FAM124A: variants seen among roughly 807,000 people sequenced by gnomAD.
FAM124A encodes the protein family with sequence similarity 124 member A.
In FAM124A, 23 loss-of-function variants were observed where a neutral mutation model predicts 24.5. The observed-to-expected ratio is 0.94, with a 90% CI of 0.68 to 1.33. The LOEUF (loss-of-function observed/expected upper bound fraction) is 1.33. Among genes scored for constraint, FAM124A ranks in the 40% most tolerant of loss-of-function variants. The probability of loss-of-function intolerance (pLI) is 0.00; values close to 1 mark genes in which losing one functional copy is unlikely to be tolerated. For synonymous variants in FAM124A, 287 were observed against 314.7 expected, an observed-to-expected ratio of 0.91 and a Z score of 0.93; for missense variants, 623 against 722.8, an observed-to-expected ratio of 0.86 and a Z score of 1.58.
In FAM124A at chr13:51,281,161, G is replaced by A. The variant is rs139792774; in HGVS notation, c.1546G>A (p.Asp516Asn). 195 of 1,613,626 alleles carry A rather than the reference G, an allele frequency of 1.2e-4. No homozygotes were observed. Among genetic ancestry groups the A allele is most frequent in the Non-Finnish European group, 1.5e-4 (178 of 1,179,940 alleles). Reference sequence around the variant, plus strand: ...AGACTCCTCCCCACAGCTCCCATGCGATACCCCCAAAGTCAAGCAGACTGA... The same window carrying A: ...AGACTCCTCCCCACAGCTCCCATGCAATACCCCCAAAGTCAAGCAGACTGA... ...LTDSSPQLPC[D>N]TPKVKQTDGD... is the part of the protein sequence containing the mutation. The change falls in exon 4 of 4, where the codon GAT becomes AAT. Residue 516 changes from aspartate (D) to asparagine (N), a missense_variant. Coordinates refer to ENST00000322475, the MANE Select transcript of FAM124A (RefSeq NM_001242312.2).
Position 51,272,161 on chromosome 13 carries a change from G to A in FAM124A, c.835-8289G>A, listed in dbSNP as rs994356218. On this transcript the variant is annotated intron_variant, in intron 3 of 3. Coordinates refer to ENST00000322475, the MANE Select transcript of FAM124A (RefSeq NM_001242312.2). This position sits in a 1 kb window ranked among gnomAD's most constrained non-coding sequence, Gnocchi z 4.2. ...CCACTTCCCTCTTCAAGGCAGGCTG[G>A]GTGGCCCAGTTCAGCAAAACCAGAA... Among the ~76,000 whole-genome samples, 2 of 152,106 alleles carry A rather than the reference G, an allele frequency of 1.3e-5. No homozygotes were observed. The highest frequency in any genetic ancestry group is 1.3e-4 in the Admixed American group (2 of 15,270).
chr13:51,256,044 G>C (rs1293044535), intron 3 of FAM124A, among the ~76,000 whole-genome samples: 3 of 152,188 alleles, frequency 2.0e-5, no homozygotes, highest in African/African-American at 7.2e-5. Context: ...CTTTCTCAGG[G>C]AGCCCCAAGC....
At chr13:51,265,492 A>T (rs917156183) in intron 3 of FAM124A, among the ~76,000 whole-genome samples, 1 of 151,408 alleles carries the variant, frequency 6.6e-6, no homozygotes, top group Non-Finnish European at 1.5e-5. Context: ...TCCACCTTAC[A>T]CCCAACCCTA....
intron 3 of FAM124A, 87 bp from the exon 4 acceptor site, chr13:51,280,363 G>A (rs994417623): frequency 1.8e-5 from 22 of 1,193,692 alleles, no homozygotes; most frequent in Non-Finnish European, 2.6e-5. Flanking sequence ...GACATTGCCA[G>A]GAGTTTCCAA....
chr13:51,245,210 TG>T (rs1954544158), intron 2 of FAM124A: 2 of 471,650 alleles, frequency 4.2e-6, no homozygotes, highest in African/African-American at 4.0e-5. Flanking sequence ...GGACCAGGTG[TG>T]CCATTTGCAT....
At chr13:51,270,360 G>A (rs1191628659) in intron 3 of FAM124A, among the ~76,000 whole-genome samples, 1 of 152,144 alleles carries the variant, frequency 6.6e-6, no homozygotes, top group East Asian at 1.9e-4. Context: ...AAGTTGTCCT[G>A]TCTTTAGGTC....
rs1954623762 is a variant in FAM124A at position 51,251,679 on chromosome 13, G to T, written c.312G>T (p.Val104=). Residue 104 remains valine (V), a synonymous_variant, in exon 3 of 4, where the codon GTG becomes GTT. Transcript: ENST00000322475. This position sits in a 1 kb window ranked among gnomAD's most constrained non-coding sequence, Gnocchi z 5.3. ...GCGCTCAGCCAGCGCTGGCTGTGGT[G>T]CTGTTCCTGCAGGAGGAGTACGGCG... The part of the protein sequence containing the change: ...PKGAQPALAV[V]LFLQEEYGEE... The T allele has an allele frequency of 6.3e-7, 1 of 1,589,186 alleles. No homozygotes were observed. The highest frequency in any genetic ancestry group is 1.3e-5 in the African/African-American group (1 of 74,508).
Position 51,231,213 on chromosome 13 carries a change from C to T in FAM124A, c.69-135C>T. 4 of 909,232 alleles carry T rather than the reference C, an allele frequency of 4.4e-6. No homozygotes were observed. The South Asian group carries it at 5.7e-5, about 13-fold the overall frequency. 56.3% of individuals were successfully genotyped at this position (909,232 alleles called of 1,614,324 possible). Reference sequence around the variant, plus strand: ...ATAACTTTATTTTGCATAAAATGAGCCTTAGCACTGCAGTTTTTAATTGGT... The same window carrying T: ...ATAACTTTATTTTGCATAAAATGAGTCTTAGCACTGCAGTTTTTAATTGGT... On this transcript the variant is annotated intron_variant, in intron 1 of 3. Transcript: ENST00000322475.
rs1184199520 is a variant in FAM124A at position 51,281,779 on chromosome 13, T to A, written c.*523T>A. ...GGCCCTAGGGATGTTTAAGCACTGC[T>A]TATAATGGAAAAAGTCAGCTTGAGA... On this transcript the variant is annotated 3_prime_UTR_variant, in exon 4 of 4. Transcript: ENST00000322475. The A allele has an allele frequency of 6.6e-6, 1 of 152,334 alleles. No homozygotes were observed. Among genetic ancestry groups the A allele is most frequent in the Non-Finnish European group, 1.5e-5 (1 of 68,134 alleles). 9.4% of individuals were successfully genotyped at this position (152,334 alleles called of 1,614,324 possible).
intron 3 of FAM124A, among the ~76,000 whole-genome samples, chr13:51,271,219 G>A (rs930429064): frequency 2.0e-5 from 3 of 152,246 alleles, no homozygotes; most frequent in East Asian, 1.9e-4. Context: ...GTGTGCTGGC[G>A]CCGCCTCTCC....
intron 3 of FAM124A, among the ~76,000 whole-genome samples, chr13:51,267,210 T>G (rs1954793315): frequency 6.6e-6 from 1 of 152,252 alleles, no homozygotes; most frequent in Non-Finnish European, 1.5e-5. Context: ...TAAGATTCAC[T>G]AGTAATCCAA....
At chr13:51,230,425 C>G (rs1418032444) in intron 1 of FAM124A, among the ~76,000 whole-genome samples, 1 of 152,180 alleles carries the variant, frequency 6.6e-6, no homozygotes, top group Admixed American at 6.5e-5. Context: ...GAATGTATAT[C>G]TATAAAATTA....
chr13:51,243,253 TGGAGTAAG>T (rs1954519524), intron 2 of FAM124A, among the ~76,000 whole-genome samples: 1 of 152,216 alleles, frequency 6.6e-6, no homozygotes. Flanking sequence ...TAAATATTGG[TGGAGTAAG>T]GGAGTTGCTT....
rs1037676320 is a variant in FAM124A, at chr13:51,272,812, G to C, written c.835-7638G>C. Among the ~76,000 whole-genome samples, 1 of 152,188 alleles carries C rather than the reference G, an allele frequency of 6.6e-6. No individual in the cohort carries two copies. The highest frequency in any genetic ancestry group is 1.5e-5 in the Non-Finnish European group (1 of 68,034). ...TGTGTTACACTTCTGGGACTGCCAG[G>C]TTCCTAACACCTGCCCAGGCAGGAG... On this transcript the variant is annotated intron_variant, in intron 3 of 3. Coordinates refer to ENST00000322475, the MANE Select transcript of FAM124A (RefSeq NM_001242312.2). The surrounding 1 kb of genome is among the most constrained non-coding windows in gnomAD (Gnocchi z 4.2).
intron 1 of FAM124A, among the ~76,000 whole-genome samples, chr13:51,223,588 G>C (rs1954284682): frequency 6.6e-6 from 1 of 152,128 alleles, no homozygotes; most frequent in Non-Finnish European, 1.5e-5. Context: ...GATCGACCCA[G>C]AGTTCTAACC....
intron 2 of FAM124A, among the ~76,000 whole-genome samples, chr13:51,231,610 G>T (rs1196031661): frequency 6.6e-6 from 1 of 152,186 alleles, no homozygotes; most frequent in Non-Finnish European, 1.5e-5. Context: ...TCAGCTGCTT[G>T]TGGATGCTTC....
chr13:51,268,782 TG>T (rs2137701073), intron 3 of FAM124A, among the ~76,000 whole-genome samples: 1 of 152,364 alleles, frequency 6.6e-6, no homozygotes, highest in South Asian at 2.1e-4. Flanking sequence ...TTCAGTTGCC[TG>T]GCTGGTTTGG....
intron 1 of FAM124A, among the ~76,000 whole-genome samples, chr13:51,229,286 A>G (rs998933888): frequency 7.2e-5 from 11 of 152,172 alleles, no homozygotes; most frequent in African/African-American, 2.4e-4. Context: ...CTTTGCAAAG[A>G]TTGGCTGCTG....
At chr13:51,261,754 G>A (rs926933553) in intron 3 of FAM124A, among the ~76,000 whole-genome samples, 1 of 152,224 alleles carries the variant, frequency 6.6e-6, no homozygotes, top group Admixed American at 6.5e-5. Context: ...TGCTGCTTCT[G>A]CATGTAGCAA....
Sources: allele counts gnomAD v4.1 joint callset (sites outside exome capture counted in the v4.1 genomes callset), GRCh38; gene constraint gnomAD v4.1.1; non-coding constraint Gnocchi (gnomAD v3.1); transcripts MANE v1.5; gene names NCBI Gene and HGNC (gene_info 2026-07-23, HGNC 2026-07-21).